PTPRM: variants seen among roughly 807,000 people sequenced by gnomAD.
PTPRM encodes the protein protein tyrosine phosphatase receptor type M, also known as receptor-type tyrosine-protein phosphatase mu.
Under a neutral mutation model 186.7 loss-of-function variants are expected in PTPRM, and 47 were observed. The observed-to-expected ratio is 0.25, with a 90% CI of 0.20 to 0.32. The LOEUF (loss-of-function observed/expected upper bound fraction) is 0.32, where lower values mean the gene tolerates loss of function less well. PTPRM is among the 10% of genes least tolerant of loss of function. The pLI is 1.00. For synonymous variants in PTPRM, 668 were observed against 674.9 expected (o/e 0.99, Z 0.16); for missense variants, 1,494 against 1,865.0 (o/e 0.80, Z 3.66).
intron 24 of PTPRM, among the ~76,000 whole-genome samples, chr18:8,371,366 T>A (rs1568849073): frequency 1.3e-5 from 2 of 152,228 alleles, no homozygotes. Flanking sequence ...ATTTCCTTCA[T>A]GGTGTATGTC....
At chr18:8,180,215 A>G (rs1463858078) in intron 14 of PTPRM, among the ~76,000 whole-genome samples, 3 of 152,222 alleles carry the variant, frequency 2.0e-5, no homozygotes, top group Non-Finnish European at 4.4e-5. Flanking sequence ...TGGGGAATGT[A>G]TCAGAGTCAT....
intron 23 of PTPRM, among the ~76,000 whole-genome samples, chr18:8,357,798 A>T (rs2095571553): frequency 6.6e-6 from 1 of 152,234 alleles, no homozygotes; most frequent in Non-Finnish European, 1.5e-5. Flanking sequence ...AACATATACA[A>T]TTATAAAACA....
intron 1 of PTPRM, among the ~76,000 whole-genome samples, chr18:7,770,242 A>G (rs1302481155): frequency 6.6e-6 from 1 of 152,166 alleles, no homozygotes; most frequent in Non-Finnish European, 1.5e-5. Context: ...TGCCTCCTTA[A>G]CATATATTTT....
chr18:8,193,658 A>T (rs2093737619), intron 14 of PTPRM, among the ~76,000 whole-genome samples: 1 of 152,220 alleles, frequency 6.6e-6, no homozygotes, highest in Non-Finnish European at 1.5e-5. Flanking sequence ...CACAGTAGTG[A>T]GTGCACAGCT....
At chr18:7,787,839 G>A (rs4798596) in intron 2 of PTPRM, among the ~76,000 whole-genome samples, 1 of 152,158 alleles carries the variant, frequency 6.6e-6, no homozygotes, top group Non-Finnish European at 1.5e-5. Flanking sequence ...TTCTGAATTA[G>A]AAATTAAAAC....
At chr18:7,758,707 A>C (rs775464444) in intron 1 of PTPRM, among the ~76,000 whole-genome samples, 13 of 152,186 alleles carry the variant, frequency 8.5e-5, no homozygotes, top group Admixed American at 2.0e-4. Flanking sequence ...TAAAGATATC[A>C]CATTTTGCTC....
chr18:8,201,791 T>G (rs1300437510), intron 14 of PTPRM, among the ~76,000 whole-genome samples: 1 of 152,158 alleles, frequency 6.6e-6, no homozygotes, highest in Middle Eastern at 3.2e-3. Flanking sequence ...ATACCCCATC[T>G]CTAACTATAA....
At chr18:8,144,265 A>G (rs1404858407) in intron 14 of PTPRM, among the ~76,000 whole-genome samples, 1 of 152,158 alleles carries the variant, frequency 6.6e-6, no homozygotes, top group Non-Finnish European at 1.5e-5. Flanking sequence ...ACCCGCAAAA[A>G]CAGCCCGACA....
intron 7 of PTPRM, among the ~76,000 whole-genome samples, chr18:7,960,472 T>TACACACAC (rs1489255842): frequency 3.7e-5 from 4 of 108,642 alleles, no homozygotes; most frequent in African/African-American, 1.6e-4. Flanking sequence ...TATATATATA[T>TACACACAC]ATATATATAC....
At chr18:8,191,516 G>A (rs1488862346) in intron 14 of PTPRM, among the ~76,000 whole-genome samples, 2 of 152,170 alleles carry the variant, frequency 1.3e-5, no homozygotes, top group Admixed American at 6.5e-5. Flanking sequence ...GAAATACAAG[G>A]TGCAAATGAC....
intron 13 of PTPRM, among the ~76,000 whole-genome samples, chr18:8,138,727 C>G (rs75274365): frequency 6.6e-6 from 1 of 152,166 alleles, no homozygotes; most frequent in African/African-American, 2.4e-5. Context: ...TCTCACCTCC[C>G]GCCTCTGCAA....
intron 22 of PTPRM, among the ~76,000 whole-genome samples, chr18:8,321,181 G>A (rs1013023434): frequency 5.3e-5 from 8 of 152,076 alleles, no homozygotes; most frequent in African/African-American, 1.2e-4. Flanking sequence ...TTGTAAATTC[G>A]TGTGAAAATT....
intron 1 of PTPRM, among the ~76,000 whole-genome samples, chr18:7,679,527 T>C (rs77172875): frequency 0.036 from 5,526 of 152,132 alleles, 308 homozygotes; most frequent in African/African-American, 0.13. Context: ...TAGCTGGCTA[T>C]GGTGGCATGT....
In PTPRM at chr18:7,585,722, C is replaced by T. The variant is rs184411644; in HGVS notation, c.73+17831C>T. 2.3e-3 allele frequency among the ~76,000 whole-genome samples: 348 copies of T among 152,238 alleles called. 2 individuals carry two copies. The highest frequency in any genetic ancestry group is 6.8e-3 in the Middle Eastern group (2 of 294). ...AACAGGTATCTGTATCCCACTTAACCATGGCCACTCCTCTTGTAGTGGCAT... is the reference window on the plus strand; with the variant it reads ...AACAGGTATCTGTATCCCACTTAACTATGGCCACTCCTCTTGTAGTGGCAT... On this transcript the variant is annotated intron_variant, in intron 1 of 32. Transcript: ENST00000580170.
chr18:8,016,886 T>G (rs1329035536), intron 7 of PTPRM, among the ~76,000 whole-genome samples: 1 of 152,208 alleles, frequency 6.6e-6, no homozygotes, highest in Non-Finnish European at 1.5e-5. Context: ...TGCCTCTGCC[T>G]CTCTTCATTT....
intron 5 of PTPRM, among the ~76,000 whole-genome samples, chr18:7,928,715 A>C (rs2051314528): frequency 6.6e-6 from 1 of 152,176 alleles, no homozygotes; most frequent in Non-Finnish European, 1.5e-5. Flanking sequence ...TACTATATTA[A>C]GTCTAAGCTC....
At chr18:7,984,740 T>C (rs866564301) in intron 7 of PTPRM, among the ~76,000 whole-genome samples, 41 of 137,572 alleles carry the variant, frequency 3.0e-4, no homozygotes, top group East Asian at 1.3e-3. Context: ...AATATATACA[T>C]ATAAAATTAT....
intron 1 of PTPRM, among the ~76,000 whole-genome samples, chr18:7,676,663 A>ATG (rs765723760): frequency 0.014 from 1,416 of 103,082 alleles, 12 homozygotes; most frequent in African/African-American, 0.021. Context: ...GTGTGTGTGT[A>ATG]TGTGTGTGTG....
intron 5 of PTPRM, among the ~76,000 whole-genome samples, chr18:7,943,132 C>T (rs1310957550): frequency 6.6e-6 from 1 of 152,178 alleles, no homozygotes; most frequent in African/African-American, 2.4e-5. Flanking sequence ...CTTTCTTCCC[C>T]ATGCTTCCTC....
Sources: allele counts gnomAD v4.1 joint callset (sites outside exome capture counted in the v4.1 genomes callset), GRCh38; gene constraint gnomAD v4.1.1; transcripts MANE v1.5; gene names NCBI Gene and HGNC (gene_info 2026-07-23, HGNC 2026-07-21).